Variants in RALGAPA1 observed in about 807,000 individuals in gnomAD.
The protein encoded by RALGAPA1 is Ral GTPase activating protein catalytic subunit alpha 1.
A neutral mutation model predicts 269.6 loss-of-function variants in RALGAPA1; 52 were observed. That is an observed-to-expected ratio of 0.19 (90% CI 0.15 to 0.24). The LOEUF is 0.24. Ranked by LOEUF, RALGAPA1 falls within the 10% of genes least tolerant of loss-of-function variation. The pLI, the probability that RALGAPA1 is intolerant of heterozygous loss-of-function variation, is 1.00. For synonymous variants in RALGAPA1, 817 were observed against 1,008.3 expected (o/e 0.81, Z 3.60); for missense variants, 1,917 against 3,013.9 (o/e 0.64, Z 8.52).
At chr14:35,742,627 C>CAGTA in intron 10 of RALGAPA1, 62 bp from the exon 11 acceptor site, 1 of 1,175,298 alleles carries the variant, frequency 8.5e-7, no homozygotes, top group Non-Finnish European at 1.3e-6. Context: ...ACCACTAACG[C>CAGTA]AGTAATGTTT....
intron 1 of RALGAPA1, among the ~76,000 whole-genome samples, chr14:35,789,734 A>G (rs1192830968): frequency 1.3e-5 from 2 of 152,170 alleles, no homozygotes; most frequent in Non-Finnish European, 2.9e-5. Flanking sequence ...CACTGATATA[A>G]AGAGTTAGAA....
At chr14:35,695,383 A>G (rs943040967) in intron 17 of RALGAPA1, among the ~76,000 whole-genome samples, 16 of 152,188 alleles carry the variant, frequency 1.1e-4, no homozygotes, top group African/African-American at 3.9e-4. Context: ...GAGATGAAAA[A>G]TTCTCCTTAT....
chr14:35,590,132 CAT>C (rs1169593320), intron 37 of RALGAPA1, among the ~76,000 whole-genome samples: 1 of 152,174 alleles, frequency 6.6e-6, no homozygotes, highest in Non-Finnish European at 1.5e-5. Context: ...TATTTAACAT[CAT>C]ATACTATTAT....
At chr14:35,648,015 C>T (rs1010406030) in intron 31 of RALGAPA1, among the ~76,000 whole-genome samples, 6 of 151,904 alleles carry the variant, frequency 3.9e-5, no homozygotes, top group Non-Finnish European at 2.9e-5. Context: ...GGAAGGCTCA[C>T]GCCTGTAAAC....
chr14:35,757,518 T>A (rs1015083768), intron 6 of RALGAPA1, among the ~76,000 whole-genome samples: 7 of 152,200 alleles, frequency 4.6e-5, no homozygotes, highest in Non-Finnish European at 1.5e-5. Context: ...GTATGTAACA[T>A]CTCAGTTGAG....
intron 37 of RALGAPA1, among the ~76,000 whole-genome samples, chr14:35,587,097 T>G (rs1346086769): frequency 6.6e-6 from 1 of 152,240 alleles, no homozygotes; most frequent in African/African-American, 2.4e-5. Context: ...GGTCCTGGAC[T>G]GTTGTTGGTT....
At chr14:35,681,613 G>A (rs985054223) in intron 21 of RALGAPA1, among the ~76,000 whole-genome samples, 9 of 152,228 alleles carry the variant, frequency 5.9e-5, no homozygotes, top group African/African-American at 1.9e-4. Context: ...ATAGCTTAAA[G>A]TTTTGATAGT....
In RALGAPA1 at chr14:35,672,855, A is replaced by G. The variant is rs1371815603; in HGVS notation, c.5073+12T>C. The G allele has an allele frequency of 6.6e-7, 1 of 1,515,564 alleles. No homozygotes were observed. The highest frequency in any genetic ancestry group is 2.3e-5 in the Admixed American group (1 of 42,904). The allele number at this position is 1,515,564 out of a possible 1,614,324, so 93.9% of individuals were successfully genotyped here. ...AAACTACTTCTTAGATGATACATAT[A>G]TATATAGTTACCTGGTCAATATGAA... is the stretch of plus-strand genomic sequence containing the variant. On this transcript the variant is annotated intron_variant, in intron 25 of 41. Coordinates refer to ENST00000680220, the MANE Select transcript of RALGAPA1 (RefSeq NM_001346249.2).
At chr14:35,679,865 A>G (rs1162756364) in intron 21 of RALGAPA1, among the ~76,000 whole-genome samples, 1 of 152,238 alleles carries the variant, frequency 6.6e-6, no homozygotes, top group Non-Finnish European at 1.5e-5. Flanking sequence ...ATAATCATAT[A>G]TCAAATGAGT....
intron 16 of RALGAPA1, among the ~76,000 whole-genome samples, chr14:35,720,381 T>C (rs1022058623): frequency 1.4e-4 from 22 of 152,210 alleles, no homozygotes; most frequent in African/African-American, 5.1e-4. Context: ...TAGTTGTTTC[T>C]TCCTTTCAAA....
In RALGAPA1 at chr14:35,759,675, C is replaced by T. The variant is rs577832502; in HGVS notation, c.547+1154G>A. Among the ~76,000 whole-genome samples the T allele has an allele frequency of 2.0e-5, 3 of 151,316 alleles. 1 individual carries two copies. The highest frequency in any genetic ancestry group is 7.3e-5 in the African/African-American group (3 of 41,300). On this transcript the variant is annotated intron_variant, in intron 6 of 41. Transcript: ENST00000680220. ...CTGTAATCCCAGCACTTTGGGAGTC[C>T]GAGGCGGACCAATCACTTGAGGTCA...
At chr14:35,747,182 T>C (rs1233164159) in intron 10 of RALGAPA1, among the ~76,000 whole-genome samples, 1 of 152,014 alleles carries the variant, frequency 6.6e-6, no homozygotes, top group Non-Finnish European at 1.5e-5. Flanking sequence ...GGCAATTAAA[T>C]ACTGCATTTA....
chr14:35,655,786 T>G, intron 29 of RALGAPA1, 21 bp downstream of exon 29: 1 of 1,608,336 alleles, frequency 6.2e-7, no homozygotes, highest in African/African-American at 1.3e-5. Flanking sequence ...TTAATATATT[T>G]CACTAAACAG....
At position 35,655,096 on chromosome 14, in the gene RALGAPA1, A is replaced by G. The variant is rs115360371; in HGVS notation, c.5497-619T>C. 4.8e-3 allele frequency among the ~76,000 whole-genome samples: 730 copies of G among 152,208 alleles called. 7 individuals are homozygous for G. Among genetic ancestry groups the G allele is most frequent in the African/African-American group, 0.016 (676 of 41,550 alleles). ...TATTATTCTCATTTTAATCTTTTTC[A>G]GCTATTATTAATATCTTGAAGCTAG... On this transcript the variant is annotated intron_variant, in intron 29 of 41. Coordinates refer to ENST00000680220, the MANE Select transcript of RALGAPA1 (RefSeq NM_001346249.2).
Position 35,627,904 on chromosome 14 carries a change from C to G in RALGAPA1, c.6043G>C (p.Val2015Leu). 1 of 1,559,740 alleles carries G rather than the reference C, an allele frequency of 6.4e-7. No individual in the cohort carries two copies. Among genetic ancestry groups the G allele is most frequent in the Non-Finnish European group, 8.7e-7 (1 of 1,155,850 alleles). Residue 2015 changes from valine to leucine, a missense_variant, in exon 34 of 42, where the codon GTT (valine) becomes CTT (leucine). Physicochemically the swap from Val to Leu is conservative, Grantham distance 32. Transcript: ENST00000680220. ...AGGTGATTTACCAGATGTGTAATAACAGTGCGGGCTGCTATAGAGATTAAT... is the reference window on the plus strand; with the variant it reads ...AGGTGATTTACCAGATGTGTAATAAGAGTGCGGGCTGCTATAGAGATTAAT... ...HGLISIAARTVITHLVNHLGH... is the reference protein window; with the variant it reads ...HGLISIAARTLITHLVNHLGH...
intron 41 of RALGAPA1, among the ~76,000 whole-genome samples, chr14:35,545,843 C>T (rs985653824): frequency 6.6e-6 from 1 of 151,906 alleles, no homozygotes; most frequent in Non-Finnish European, 1.5e-5. Flanking sequence ...TATGAACAAA[C>T]AGTGTAATCT....
At chr14:35,721,597 T>G in intron 16 of RALGAPA1, 91 bp downstream of exon 16, 4 of 1,195,968 alleles carry the variant, frequency 3.3e-6, no homozygotes, top group Non-Finnish European at 4.6e-6. Flanking sequence ...AATAATCAAC[T>G]GGTAAGAAAA....
At chr14:35,740,427 C>T (rs1178332917) in intron 11 of RALGAPA1, among the ~76,000 whole-genome samples, 1 of 152,186 alleles carries the variant, frequency 6.6e-6, no homozygotes, top group Non-Finnish European at 1.5e-5. Flanking sequence ...TCCTACACAG[C>T]ACATGACAGT....
chr14:35,712,248 A>C (rs2068420330), intron 16 of RALGAPA1, among the ~76,000 whole-genome samples: 1 of 151,664 alleles, frequency 6.6e-6, no homozygotes, highest in South Asian at 2.1e-4. Flanking sequence ...CTCAAAAAAA[A>C]AAAAAAAAAA....
Sources: gnomAD v4.1 joint callset for allele counts (sites outside exome capture counted in the v4.1 genomes callset) on GRCh38, gnomAD v4.1.1 for gene constraint, MANE v1.5 for transcripts, NCBI Gene and HGNC (gene_info 2026-07-23, HGNC 2026-07-21) for gene names.